ZFPM2: variants seen among roughly 807,000 people sequenced by gnomAD.
The protein encoded by ZFPM2 is zinc finger protein ZFPM2.
In ZFPM2, 20 loss-of-function variants were observed where a neutral mutation model predicts 98.6. The ratio of observed to expected loss-of-function variants is 0.20; its 90% CI spans 0.14 to 0.29. The LOEUF (loss-of-function observed/expected upper bound fraction) is 0.29. Among genes scored for constraint, ZFPM2 ranks in the 10% least tolerant of loss-of-function variants. ZFPM2 has a pLI of 1.00. For missense variants in ZFPM2, 1,310 were observed against 1,388.6 expected (o/e 0.94, Z 0.90); for synonymous variants, 518 against 502.7 (o/e 1.03, Z -0.41).
intron 3 of ZFPM2, among the ~76,000 whole-genome samples, chr8:105,521,680 C>T (rs1326524543): frequency 1.3e-5 from 2 of 151,936 alleles, no homozygotes; most frequent in African/African-American, 2.4e-5. Context: ...TGGGTTCAAG[C>T]GATTCTCCTG....
At chr8:105,627,208 G>T (rs1240669675) in intron 4 of ZFPM2, among the ~76,000 whole-genome samples, 1 of 152,132 alleles carries the variant, frequency 6.6e-6, no homozygotes, top group African/African-American at 2.4e-5. Flanking sequence ...AACTCTAAAG[G>T]TTAGTGAGAA....
At chr8:105,354,280 C>T (rs532117061) in intron 1 of ZFPM2, among the ~76,000 whole-genome samples, 1 of 152,328 alleles carries the variant, frequency 6.6e-6, no homozygotes, top group East Asian at 1.9e-4. Flanking sequence ...CTTTGAATGT[C>T]ACTTGACAAT....
chr8:105,678,121 A>T (rs912129896), intron 5 of ZFPM2, among the ~76,000 whole-genome samples: 33 of 152,264 alleles, frequency 2.2e-4, no homozygotes, highest in Middle Eastern at 3.4e-3. Context: ...TGTCATTAGC[A>T]TGTAGGAGAT....
chr8:105,354,920 C>T (rs933526814), intron 1 of ZFPM2, among the ~76,000 whole-genome samples: 1 of 152,084 alleles, frequency 6.6e-6, no homozygotes, highest in Non-Finnish European at 1.5e-5. Flanking sequence ...CGCCACTGCA[C>T]TCCAGCCTGG....
intron 1 of ZFPM2, among the ~76,000 whole-genome samples, chr8:105,405,216 A>G (rs1811421181): frequency 6.6e-6 from 1 of 152,056 alleles, no homozygotes; most frequent in African/African-American, 2.4e-5. Flanking sequence ...TGGAGGGAAT[A>G]AAATGACCTC....
At chr8:105,358,555 G>T (rs1389395077) in intron 1 of ZFPM2, 2 of 152,204 alleles carry the variant, frequency 1.3e-5, no homozygotes, top group East Asian at 3.9e-4. Flanking sequence ...AAGCAGAATG[G>T]TGGGATTTGC....
At chr8:105,711,204 A>T (rs934074600) in intron 5 of ZFPM2, among the ~76,000 whole-genome samples, 2 of 152,152 alleles carry the variant, frequency 1.3e-5, no homozygotes, top group African/African-American at 4.8e-5. Flanking sequence ...TATTCAGTAT[A>T]TGCATCCTTA....
intron 4 of ZFPM2, among the ~76,000 whole-genome samples, chr8:105,599,142 G>A (rs1816037316): frequency 1.3e-5 from 2 of 151,910 alleles, no homozygotes; most frequent in Admixed American, 1.3e-4. Flanking sequence ...AAATTAAAAG[G>A]CCACCTTGCT....
At chr8:105,539,557 A>G (rs757318683) in intron 3 of ZFPM2, among the ~76,000 whole-genome samples, 3 of 152,216 alleles carry the variant, frequency 2.0e-5, no homozygotes, top group Non-Finnish European at 4.4e-5. Context: ...TATTGTCTAC[A>G]GGACAATTTT....
chr8:105,471,873 C>G (rs1394668868), intron 3 of ZFPM2, among the ~76,000 whole-genome samples: 5 of 152,048 alleles, frequency 3.3e-5, no homozygotes, highest in Non-Finnish European at 7.4e-5. Context: ...GTCTCCTTAT[C>G]ATAAAAAGAA....
chr8:105,542,677 G>A (rs1814604525), intron 3 of ZFPM2, among the ~76,000 whole-genome samples: 1 of 152,074 alleles, frequency 6.6e-6, no homozygotes, highest in Non-Finnish European at 1.5e-5. Context: ...CCTGCAGGAG[G>A]TCCTGGAACG....
In ZFPM2 at chr8:105,342,421, C is replaced by T. The variant is rs117228317; in HGVS notation, c.40+23440C>T. On this transcript the variant is annotated intron_variant, in intron 1 of 7. Transcript: ENST00000407775. ...GAATCCTTCTCTTGATGGAAGGGCA[C>T]AACTGAGCACAAACTGGGTAATTTG... Among the ~76,000 whole-genome samples, 10 of 152,104 alleles carry T rather than the reference C, an allele frequency of 6.6e-5. No individual in the cohort carries two copies. In the East Asian group the frequency reaches 1.9e-3, roughly 29 times the overall value.
chr8:105,378,425 G>C (rs550924130), intron 1 of ZFPM2, among the ~76,000 whole-genome samples: 1 of 152,280 alleles, frequency 6.6e-6, no homozygotes, highest in South Asian at 2.1e-4. Context: ...GCCCCTATCT[G>C]TAATGATAAC....
At chr8:105,627,365 G>C (rs1287422050) in intron 4 of ZFPM2, among the ~76,000 whole-genome samples, 1 of 152,122 alleles carries the variant, frequency 6.6e-6, no homozygotes, top group Non-Finnish European at 1.5e-5. Context: ...CCGTGTCCAG[G>C]AGTGTAGAAT....
At chr8:105,365,244 A>C (rs557478442) in intron 1 of ZFPM2, among the ~76,000 whole-genome samples, 2 of 152,114 alleles carry the variant, frequency 1.3e-5, no homozygotes, top group Non-Finnish European at 2.9e-5. Context: ...TGGCCTTTCA[A>C]TTTGCAAGTC....
At chr8:105,458,976 T>C (rs1041969781) in intron 3 of ZFPM2, among the ~76,000 whole-genome samples, 1 of 152,198 alleles carries the variant, frequency 6.6e-6, no homozygotes, top group African/African-American at 2.4e-5. Flanking sequence ...AAAAAAACTT[T>C]AAAGACATTA....
intron 1 of ZFPM2, among the ~76,000 whole-genome samples, chr8:105,392,167 G>C (rs1356846243): frequency 6.6e-6 from 1 of 152,134 alleles, no homozygotes; most frequent in Non-Finnish European, 1.5e-5. Context: ...ATATTTTGAA[G>C]GGAATTTTTT....
intron 3 of ZFPM2, among the ~76,000 whole-genome samples, chr8:105,477,237 CTTTTTTT>C (rs397891589): frequency 2.3e-3 from 172 of 74,494 alleles, no homozygotes; most frequent in African/African-American, 5.4e-3. Flanking sequence ...TGCTAGCAAT[CTTTTTTT>C]TTTTTTTTTT....
chr8:105,405,524 G>T (rs1223351262), intron 1 of ZFPM2, among the ~76,000 whole-genome samples: 1 of 148,834 alleles, frequency 6.7e-6, no homozygotes, highest in Non-Finnish European at 1.5e-5. Context: ...GTGAGAACAT[G>T]CAGTCTTTGG....
Sources: allele counts gnomAD v4.1 joint callset (sites outside exome capture counted in the v4.1 genomes callset), GRCh38; gene constraint gnomAD v4.1.1; transcripts MANE v1.5; gene names NCBI Gene and HGNC (gene_info 2026-07-23, HGNC 2026-07-21).